The following IQGAP2 variants were observed in gnomAD, a reference collection of about 807,000 sequenced individuals.
IQGAP2 encodes the protein IQ motif containing GTPase activating protein 2.
In IQGAP2, 173 loss-of-function variants were observed where a neutral mutation model predicts 201.3. The ratio of observed to expected loss-of-function variants is 0.86; its 90% CI spans 0.76 to 0.98. IQGAP2 has a LOEUF of 0.98. Among genes scored for constraint, IQGAP2 ranks in the 50% least tolerant of loss-of-function variants. IQGAP2 has a pLI of 0.00. For missense variants in IQGAP2, 1,687 were observed against 1,864.8 expected (o/e 0.90, Z 1.76); for synonymous variants, 675 against 673.9 (o/e 1.00, Z -0.03).
intron 13 of IQGAP2, chr5:76,616,186 T>G (rs907929951): frequency 6.6e-6 from 1 of 152,234 alleles, no homozygotes; most frequent in African/African-American, 2.4e-5. Context: ...TATACGAAAG[T>G]GCTTTGGAAG....
chr5:76,637,327 G>A (rs1466783077), intron 16 of IQGAP2, 151 bp downstream of exon 16: 3 of 596,384 alleles, frequency 5.0e-6, no homozygotes, highest in Non-Finnish European at 8.1e-6. Context: ...GCAGTTGAAT[G>A]TGGCTGCATT....
At chr5:76,459,074 T>C (rs552127953) in intron 1 of IQGAP2, among the ~76,000 whole-genome samples, 1 of 152,216 alleles carries the variant, frequency 6.6e-6, no homozygotes, top group African/African-American at 2.4e-5. Context: ...AGGATCCCAC[T>C]AGATGGGGTC....
chr5:76,599,292 G>A (rs191195875), intron 10 of IQGAP2, among the ~76,000 whole-genome samples: 30 of 152,204 alleles, frequency 2.0e-4, no homozygotes, highest in Admixed American at 9.8e-4. Flanking sequence ...AAGAAAAATA[G>A]CTTATTTTCT....
At chr5:76,588,524 T>C (rs773434016) in intron 5 of IQGAP2, among the ~76,000 whole-genome samples, 12 of 152,226 alleles carry the variant, frequency 7.9e-5, no homozygotes, top group Non-Finnish European at 1.6e-4. Context: ...AAAATATAAT[T>C]CATGCTGTAC....
At chr5:76,521,359 TC>T (rs1758676897) in intron 2 of IQGAP2, among the ~76,000 whole-genome samples, 1 of 152,212 alleles carries the variant, frequency 6.6e-6, no homozygotes, top group Non-Finnish European at 1.5e-5. Context: ...CATACTTACG[TC>T]ACTATTTCCT....
chr5:76,590,054 G>A (rs1469168053), intron 7 of IQGAP2, among the ~76,000 whole-genome samples: 1 of 152,198 alleles, frequency 6.6e-6, no homozygotes, highest in Admixed American at 6.5e-5. Context: ...TAAATTGCAA[G>A]TATTTCTTGG....
intron 2 of IQGAP2, among the ~76,000 whole-genome samples, chr5:76,511,215 G>A (rs1757939712): frequency 6.6e-6 from 1 of 152,174 alleles, no homozygotes; most frequent in African/African-American, 2.4e-5. Flanking sequence ...CCAGAGATGG[G>A]TGGCTAATGG....
rs370800784 is a variant in IQGAP2 at position 76,672,031 on chromosome 5, T to C, written c.3068+48T>C. 3.2e-4 allele frequency: 450 copies of C among 1,392,644 alleles called. 2 individuals are homozygous for C. The South Asian group carries it at 5.3e-3, about 16-fold the overall frequency. 86.3% of individuals were successfully genotyped at this position (1,392,644 alleles called of 1,614,324 possible). ...GGTCTTCTGTTATGTTTTATGATAT[T>C]TTTACATGTGTATTTATTGATACTC... On this transcript the variant is annotated intron_variant, in intron 24 of 35. Coordinates refer to ENST00000274364, the MANE Select transcript of IQGAP2 (RefSeq NM_006633.5).
intron 2 of IQGAP2, among the ~76,000 whole-genome samples, chr5:76,488,227 G>C (rs1288233718): frequency 6.6e-6 from 1 of 152,212 alleles, no homozygotes; most frequent in Non-Finnish European, 1.5e-5. Context: ...ATAAATGTGA[G>C]GTGAAGGGAA....
intron 1 of IQGAP2, among the ~76,000 whole-genome samples, chr5:76,455,420 T>C (rs531492992): frequency 3.2e-5 from 4 of 126,708 alleles, no homozygotes; most frequent in Non-Finnish European, 4.7e-5. Context: ...ACTACTGCAC[T>C]CCAGCCTGGG....
At chr5:76,544,105 C>T (rs376587190) in intron 2 of IQGAP2, among the ~76,000 whole-genome samples, 3 of 152,138 alleles carry the variant, frequency 2.0e-5, no homozygotes, top group South Asian at 2.1e-4. Context: ...TCCAAAGCCA[C>T]GCTTTCCTGG....
At chr5:76,647,852 A>ACACACACACACACACACACAC (rs558983752) in intron 17 of IQGAP2, among the ~76,000 whole-genome samples, 10 of 142,838 alleles carry the variant, frequency 7.0e-5, no homozygotes, top group African/African-American at 2.7e-4. Context: ...CACACACACA[A>ACACACACACACACACACACAC]ACGAAAAAAA....
At chr5:76,432,048 GATA>G (rs540670129) in intron 1 of IQGAP2, among the ~76,000 whole-genome samples, 51 of 149,144 alleles carry the variant, frequency 3.4e-4, no homozygotes, top group Non-Finnish European at 6.4e-4. Flanking sequence ...GTTAATTATA[GATA>G]ATAATCAAAT....
intron 2 of IQGAP2, among the ~76,000 whole-genome samples, chr5:76,526,157 C>T (rs1758961835): frequency 6.6e-6 from 1 of 152,186 alleles, no homozygotes; most frequent in South Asian, 2.1e-4. Context: ...CTCAAAAAGT[C>T]TATTTCCTCA....
intron 11 of IQGAP2, 86 bp from the exon 12 acceptor site, chr5:76,606,093 G>C: frequency 1.7e-6 from 2 of 1,205,630 alleles, no homozygotes; most frequent in East Asian, 2.5e-5. Flanking sequence ...TAACAACTAT[G>C]TTTGACCATG....
chr5:76,641,439 G>A lies in IQGAP2; in HGVS notation c.2094+336G>A, dbSNP rs150039330. ...GGGGACTTTACAATTTGGCTTTTTTGTGGTTAGTAGATGTTGAGTGGCGTC... is the reference window on the plus strand; with the variant it reads ...GGGGACTTTACAATTTGGCTTTTTTATGGTTAGTAGATGTTGAGTGGCGTC... On this transcript the variant is annotated intron_variant, in intron 17 of 35. Coordinates refer to ENST00000274364, the MANE Select transcript of IQGAP2 (RefSeq NM_006633.5). 1.8e-4 allele frequency among the ~76,000 whole-genome samples: 27 copies of A among 152,266 alleles called. No homozygotes were observed. The East Asian group carries it at 3.9e-3, about 22-fold the overall frequency.
intron 10 of IQGAP2, among the ~76,000 whole-genome samples, chr5:76,599,527 C>T (rs996416170): frequency 6.6e-6 from 1 of 152,078 alleles, no homozygotes; most frequent in Non-Finnish European, 1.5e-5. Context: ...GAATTATAAA[C>T]GATTCCATTC....
chr5:76,572,653 G>A lies in IQGAP2; in HGVS notation c.381+1996G>A, dbSNP rs2150275295. On this transcript the variant is annotated intron_variant, in intron 4 of 35. Coordinates refer to ENST00000274364, the MANE Select transcript of IQGAP2 (RefSeq NM_006633.5). ...GGGTTTCCACATGTTGGCCAGGCTG[G>A]TCTCGAACTCCTGACTTCAGGAAAT... Among the ~76,000 whole-genome samples the A allele has an allele frequency of 2.6e-5, 4 of 151,936 alleles. 1 individual carries two copies. The Middle Eastern group carries it at 0.014, about 517-fold the overall frequency.
At chr5:76,564,403 A>C (rs1375690489) in intron 3 of IQGAP2, among the ~76,000 whole-genome samples, 1 of 152,210 alleles carries the variant, frequency 6.6e-6, no homozygotes, top group Non-Finnish European at 1.5e-5. Context: ...CTCCACTGAA[A>C]GGGAATTACA....
Sources: allele counts gnomAD v4.1 joint callset (sites outside exome capture counted in the v4.1 genomes callset), GRCh38; gene constraint gnomAD v4.1.1; transcripts MANE v1.5; gene names NCBI Gene and HGNC (gene_info 2026-07-23, HGNC 2026-07-21).